The following PEX7 variants were observed in gnomAD, a reference collection of about 807,000 sequenced individuals.
PEX7 encodes peroxisomal biogenesis factor 7.
A neutral mutation model predicts 47.5 loss-of-function variants in PEX7; 34 were observed. The observed-to-expected ratio is 0.72, with a 90% confidence interval of 0.54 to 0.95. PEX7 has a LOEUF of 0.95. PEX7 is among the 40% of genes least tolerant of loss of function. The probability of loss-of-function intolerance (pLI) is 0.00; values close to 1 mark genes in which losing one functional copy is unlikely to be tolerated. For synonymous variants in PEX7, 141 were observed against 148.8 expected (o/e 0.95, Z 0.38); for missense variants, 394 against 400.3 (o/e 0.98, Z 0.13).
In PEX7 at chr6:136,889,844, G is replaced by A. The variant is rs535932743; in HGVS notation, c.804-8298G>A. On this transcript the variant is annotated intron_variant, in intron 8 of 9. Transcript: ENST00000318471. ...CTGAGGTGAAAGATTGAGGAAGTAC[G>A]GCAGGAAGCTGCTGTTTTCTGTTAC... Among the ~76,000 whole-genome samples, 14 of 152,270 alleles carry A rather than the reference G, an allele frequency of 9.2e-5. No individual in the cohort carries two copies. The East Asian group carries it at 1.2e-3, about 13-fold the overall frequency.
intron 8 of PEX7, among the ~76,000 whole-genome samples, chr6:136,880,106 A>G (rs1339920874): frequency 6.8e-6 from 1 of 147,288 alleles, no homozygotes; most frequent in Non-Finnish European, 1.5e-5. Context: ...AGAATATGTT[A>G]CGGTTTTCTA....
chr6:136,912,982 C>T lies in PEX7; in HGVS notation c.904-476C>T, dbSNP rs80083962. Among the ~76,000 whole-genome samples the T allele has an allele frequency of 2.3e-4, 35 of 152,346 alleles. No individual in the cohort carries two copies. The East Asian group carries it at 6.4e-3, about 28-fold the overall frequency. On this transcript the variant is annotated intron_variant, in intron 9 of 9. Coordinates refer to ENST00000318471, the MANE Select transcript of PEX7 (RefSeq NM_000288.4). ...TGTCTGACACTGTCCCAGCTGGAATCATATAGTCCCCCTAAGAGTCTCTGT... is the reference window on the plus strand; with the variant it reads ...TGTCTGACACTGTCCCAGCTGGAATTATATAGTCCCCCTAAGAGTCTCTGT...
At chr6:136,849,650 T>C (rs1774699790) in intron 5 of PEX7, among the ~76,000 whole-genome samples, 1 of 152,210 alleles carries the variant, frequency 6.6e-6, no homozygotes, top group South Asian at 2.1e-4. Flanking sequence ...AGTGTCCATG[T>C]AGTTCTGTGG....
At chr6:136,847,025 A>T (rs1774618017) in intron 5 of PEX7, among the ~76,000 whole-genome samples, 1 of 152,166 alleles carries the variant, frequency 6.6e-6, no homozygotes, top group South Asian at 2.1e-4. Context: ...CTTTTTGATG[A>T]TCGCCATTCT....
intron 3 of PEX7, among the ~76,000 whole-genome samples, chr6:136,829,239 G>A (rs1774250280): frequency 1.3e-5 from 2 of 152,118 alleles, no homozygotes; most frequent in Admixed American, 1.3e-4. Flanking sequence ...TTATAGACTG[G>A]GTGCCTTATA....
At chr6:136,848,570 A>G (rs981331312) in intron 5 of PEX7, among the ~76,000 whole-genome samples, 4 of 152,212 alleles carry the variant, frequency 2.6e-5, no homozygotes, top group East Asian at 1.9e-4. Context: ...GGGCTGTTCA[A>G]TTTGGTCAAA....
chr6:136,878,681 G>A (rs1157720894), intron 8 of PEX7, among the ~76,000 whole-genome samples: 2 of 152,040 alleles, frequency 1.3e-5, no homozygotes, highest in African/African-American at 4.8e-5. Context: ...GTATGTTTTT[G>A]TATAGAGTAT....
chr6:136,907,731 C>T (rs373643961), intron 9 of PEX7, among the ~76,000 whole-genome samples: 1 of 152,046 alleles, frequency 6.6e-6, no homozygotes, highest in African/African-American at 2.4e-5. Context: ...CACATTAAAT[C>T]ATTTGAGATA....
chr6:136,838,438 A>G (rs1419921172), intron 3 of PEX7, among the ~76,000 whole-genome samples: 1 of 152,222 alleles, frequency 6.6e-6, no homozygotes, highest in African/African-American at 2.4e-5. Flanking sequence ...TGGGGCAGAA[A>G]GAGCAAGGTG....
intron 9 of PEX7, among the ~76,000 whole-genome samples, chr6:136,906,891 G>A (rs1775854498): frequency 6.6e-6 from 1 of 152,102 alleles, no homozygotes; most frequent in Non-Finnish European, 1.5e-5. Context: ...AAACCTTCAA[G>A]AGGAAGCCCA....
intron 1 of PEX7, among the ~76,000 whole-genome samples, chr6:136,824,649 T>C (rs551002078): frequency 6.6e-6 from 1 of 152,252 alleles, no homozygotes; most frequent in Non-Finnish European, 1.5e-5. Context: ...AATGGCCCTT[T>C]GGTAAAATAA....
chr6:136,881,309 C>T (rs1402798735), intron 8 of PEX7, among the ~76,000 whole-genome samples: 1 of 152,132 alleles, frequency 6.6e-6, no homozygotes, highest in Non-Finnish European at 1.5e-5. Flanking sequence ...AATGTCAGAT[C>T]CACCAGATAG....
chr6:136,864,980 AT>A (rs2115212441), intron 5 of PEX7, among the ~76,000 whole-genome samples: 1 of 152,216 alleles, frequency 6.6e-6, no homozygotes, highest in East Asian at 1.9e-4. Flanking sequence ...AGTTGTTTAT[AT>A]TTTACTTTTG....
intron 8 of PEX7, among the ~76,000 whole-genome samples, chr6:136,887,682 G>T (rs1775489664): frequency 6.6e-6 from 1 of 152,122 alleles, no homozygotes; most frequent in African/African-American, 2.4e-5. Context: ...ACATACGGGT[G>T]TTCATTTTAT....
intron 9 of PEX7, among the ~76,000 whole-genome samples, chr6:136,911,013 T>C (rs962439556): frequency 1.3e-5 from 2 of 152,188 alleles, no homozygotes; most frequent in African/African-American, 4.8e-5. Context: ...AATTCACATA[T>C]ATTGAAATTT....
chr6:136,882,266 C>T (rs1367482207), intron 8 of PEX7, among the ~76,000 whole-genome samples: 1 of 150,492 alleles, frequency 6.6e-6, no homozygotes, highest in Non-Finnish European at 1.5e-5. Flanking sequence ...TAACCTCCAC[C>T]TCCAGGGTTC....
chr6:136,883,455 A>T (rs140644445), intron 8 of PEX7, among the ~76,000 whole-genome samples: 1 of 152,240 alleles, frequency 6.6e-6, no homozygotes, highest in East Asian at 1.9e-4. Context: ...TACACCGTCG[A>T]TCATACCTTC....
chr6:136,822,716 C>T lies in PEX7; in HGVS notation c.51C>T (p.Arg17=), dbSNP rs1227756229. 6.6e-7 allele frequency: 1 copy of T among 1,515,720 alleles called. No homozygotes were observed. Among genetic ancestry groups the T allele is most frequent in the Admixed American group, 2.0e-5 (1 of 49,410 alleles). The allele number at this position is 1,515,720 out of a possible 1,614,324, so 93.9% of individuals were successfully genotyped here. A position where few individuals can be genotyped will look rare whatever the true frequency, so the allele number is the denominator to read the frequency against. Residue 17 remains arginine, a synonymous_variant, in exon 1 of 10, where the codon CGC becomes CGT. Transcript: ENST00000318471. ...GAARMLRTPG[R]HGYAAEFSPY... is the part of the protein sequence containing the mutation. Reference sequence around the variant, plus strand: ...CGCGGATGCTGCGGACGCCGGGACGCCACGGCTACGCCGCCGAGTTCTCCC... The same window carrying T: ...CGCGGATGCTGCGGACGCCGGGACGTCACGGCTACGCCGCCGAGTTCTCCC...
chr6:136,906,301 T>C lies in PEX7; in HGVS notation c.904-7157T>C, dbSNP rs77455734. On this transcript the variant is annotated intron_variant, in intron 9 of 9. Transcript: ENST00000318471. ...TAGAACATTTTATTGTCATTTGTAA[T>C]TCATGATTGTCAAATTGAATAAGTA... Among the ~76,000 whole-genome samples, 35 of 152,332 alleles carry C rather than the reference T, an allele frequency of 2.3e-4. No individual in the cohort carries two copies. The East Asian group carries it at 6.7e-3, about 29-fold the overall frequency.
Sources: allele counts gnomAD v4.1 joint callset (sites outside exome capture counted in the v4.1 genomes callset), GRCh38; gene constraint gnomAD v4.1.1; transcripts MANE v1.5; gene names NCBI Gene and HGNC (gene_info 2026-07-23, HGNC 2026-07-21).